Variants in SNUPN observed in about 807,000 individuals in gnomAD.
SNUPN encodes the protein snurportin-1.
SNUPN carries 31 observed loss-of-function variants against 39.2 expected under a neutral mutation model. The ratio of observed to expected loss-of-function variants is 0.79; its 90% confidence interval spans 0.59 to 1.07. The LOEUF (loss-of-function observed/expected upper bound fraction) is 1.07. Among genes scored for constraint, SNUPN ranks in the 50% least tolerant of loss-of-function variants. SNUPN has a pLI of 0.00. For missense variants in SNUPN, 382 were observed against 434.2 expected, an observed-to-expected ratio of 0.88 and a Z score of 1.07; for synonymous variants, 132 against 159.0, an observed-to-expected ratio of 0.83 and a Z score of 1.28.
chr15:75,603,648 G>A (rs966806477), intron 7 of SNUPN, among the ~76,000 whole-genome samples: 49 of 139,106 alleles, frequency 3.5e-4, no homozygotes, highest in South Asian at 2.3e-4. Flanking sequence ...GTGACGGAGC[G>A]AGACTCTGTC....
At chr15:75,611,296 A>G (rs1892771903) in intron 3 of SNUPN, among the ~76,000 whole-genome samples, 1 of 146,340 alleles carries the variant, frequency 6.8e-6, no homozygotes, top group Non-Finnish European at 1.5e-5. Context: ...TCTGTCGCCC[A>G]GGCTGGAGTG....
intron 1 of SNUPN, chr15:75,622,366 G>T: frequency 2.5e-5 from 25 of 985,398 alleles, no homozygotes; most frequent in Non-Finnish European, 3.0e-5. Context: ...GGATGTGGAA[G>T]GCTGCTTAAC....
At chr15:75,613,299 T>C (rs1335998068) in intron 3 of SNUPN, among the ~76,000 whole-genome samples, 1 of 136,114 alleles carries the variant, frequency 7.3e-6, no homozygotes, top group African/African-American at 2.7e-5. Context: ...AGGATTTGAA[T>C]AGACATTTCT....
intron 7 of SNUPN, among the ~76,000 whole-genome samples, chr15:75,604,628 T>A (rs746069293): frequency 2.6e-5 from 4 of 152,244 alleles, no homozygotes; most frequent in African/African-American, 9.6e-5. Context: ...TTGGTTCTTA[T>A]AACAACCCTG....
chr15:75,609,840 C>T (rs1309086113), intron 4 of SNUPN, 50 bp downstream of exon 4: 2 of 1,431,172 alleles, frequency 1.4e-6, no homozygotes, highest in Admixed American at 3.4e-5. Context: ...CAAAGAATCC[C>T]TCCCACTACA....
At chr15:75,614,099 G>A (rs1892868451) in intron 3 of SNUPN, among the ~76,000 whole-genome samples, 1 of 152,070 alleles carries the variant, frequency 6.6e-6, no homozygotes, top group Non-Finnish European at 1.5e-5. Context: ...AGACCAGCCT[G>A]GCCAACATGG....
chr15:75,605,044 G>A, intron 7 of SNUPN, 106 bp downstream of exon 7: 1 of 736,012 alleles, frequency 1.4e-6, no homozygotes. Flanking sequence ...TTTATACCAT[G>A]CTGCCTCAAA....
chr15:75,609,978 C>T lies in SNUPN; in HGVS notation c.320G>A (p.Trp107Ter). 6.2e-7 allele frequency: 1 copy of T among 1,613,974 alleles called. No homozygotes were observed. The highest frequency in any genetic ancestry group is 8.5e-7 in the Non-Finnish European group (1 of 1,179,912). ...HYANQLMLSE[W>*]LIDVPSDLGQ... ...CAAATCTGAAGGAACGTCAATTAACCACTCAGAAAGCATCAACTGGAAATG... is the reference window on the plus strand; with the variant it reads ...CAAATCTGAAGGAACGTCAATTAACTACTCAGAAAGCATCAACTGGAAATG... The change falls in exon 4 of 9, where the codon TGG becomes TAG. Residue 107 changes from tryptophan (W) to a stop codon, truncating the protein, a stop_gained. Coordinates refer to ENST00000308588, the MANE Select transcript of SNUPN (RefSeq NM_005701.4). LOFTEE classifies it high-confidence loss of function.
rs527586121 is a variant in SNUPN at position 75,613,010 on chromosome 15, C to T, written c.304-3016G>A. Among the ~76,000 whole-genome samples, 3 of 151,856 alleles carry T rather than the reference C, an allele frequency of 2.0e-5. No homozygotes were observed. In the South Asian group the frequency reaches 6.2e-4, roughly 32 times the overall value. ...AATTCAATAATAAAAAGATAAATAA[C>T]TCAATTAAAAAACAAGGAGGGCAGA... On this transcript the variant is annotated intron_variant, in intron 3 of 8. Coordinates refer to ENST00000308588, the MANE Select transcript of SNUPN (RefSeq NM_005701.4).
intron 8 of SNUPN, among the ~76,000 whole-genome samples, chr15:75,599,134 A>C (rs2075265340): frequency 6.6e-6 from 1 of 151,692 alleles, no homozygotes. Context: ...GCACCACTGC[A>C]CTCCAGCCTG....
intron 3 of SNUPN, among the ~76,000 whole-genome samples, chr15:75,614,814 T>C (rs1892883733): frequency 6.6e-6 from 1 of 152,238 alleles, no homozygotes; most frequent in Non-Finnish European, 1.5e-5. Flanking sequence ...TAGCAGCTAA[T>C]ACTTGTGGGG....
chr15:75,617,810 G>A (rs996825892), intron 2 of SNUPN, among the ~76,000 whole-genome samples: 3 of 152,102 alleles, frequency 2.0e-5, no homozygotes, highest in Admixed American at 6.6e-5. Context: ...TCAAACTCCT[G>A]GCCTCAAGTG....
chr15:75,608,343 C>G (rs1892684552), intron 5 of SNUPN, among the ~76,000 whole-genome samples: 1 of 152,036 alleles, frequency 6.6e-6, no homozygotes, highest in Non-Finnish European at 1.5e-5. Flanking sequence ...TGATCATGCC[C>G]TTGAACCCGA....
chr15:75,603,298 C>T (rs1277673078), intron 7 of SNUPN, among the ~76,000 whole-genome samples: 3 of 144,212 alleles, frequency 2.1e-5, no homozygotes, highest in African/African-American at 7.8e-5. Context: ...TCGCCTGTCT[C>T]GGCCTCCCAA....
intron 6 of SNUPN, among the ~76,000 whole-genome samples, chr15:75,606,099 C>T (rs1026647789): frequency 1.3e-5 from 2 of 152,106 alleles, no homozygotes; most frequent in African/African-American, 2.4e-5. Context: ...GAGCCCAGAT[C>T]GCAGCACTGC....
chr15:75,626,212 T>A (rs1566961791), upstream of SNUPN: 1 of 152,260 alleles, frequency 6.6e-6, no homozygotes, highest in Non-Finnish European at 1.5e-5. Context: ...GCTCCCCCAC[T>A]TGCCCTTAAC....
At chr15:75,609,525 A>T in intron 5 of SNUPN, 33 bp downstream of exon 5, 1 of 1,547,306 alleles carries the variant, frequency 6.5e-7, no homozygotes. Flanking sequence ...ACTGTCTTTT[A>T]CTGATCAATA....
Position 75,605,135 on chromosome 15 carries a change from A to T in SNUPN, c.678+15T>A. ...TCCCCATAAGGAACTCAGTGATCCTAACACCAGGCCTTACAGGATTAAGCT... is the reference window on the plus strand; with the variant it reads ...TCCCCATAAGGAACTCAGTGATCCTTACACCAGGCCTTACAGGATTAAGCT... On this transcript the variant is annotated intron_variant, in intron 7 of 8. Transcript: ENST00000308588. The T allele has an allele frequency of 6.3e-7, 1 of 1,579,998 alleles. No homozygotes were observed. Among genetic ancestry groups the T allele is most frequent in the Non-Finnish European group, 8.7e-7 (1 of 1,150,718 alleles).
chr15:75,626,300 A>G (rs556946708), upstream of SNUPN: 41 of 152,340 alleles, frequency 2.7e-4, no homozygotes, highest in African/African-American at 9.6e-4. Flanking sequence ...CGGGCTGAGC[A>G]ATGGTAGGGA....
Sources: allele counts gnomAD v4.1 joint callset (sites outside exome capture counted in the v4.1 genomes callset), GRCh38; gene constraint gnomAD v4.1.1; transcripts MANE v1.5; gene names NCBI Gene and HGNC (gene_info 2026-07-23, HGNC 2026-07-21).